MARK2: variants seen among roughly 807,000 people sequenced by gnomAD.
The protein encoded by MARK2 is serine/threonine-protein kinase MARK2.
MARK2 carries 16 observed loss-of-function variants against 89.8 expected under a neutral mutation model. The observed-to-expected ratio is 0.18, with a 90% confidence interval of 0.12 to 0.27. The LOEUF is 0.27. MARK2 is among the 10% of genes least tolerant of loss of function. MARK2 has a pLI of 1.00. For synonymous variants in MARK2, 382 were observed against 399.5 expected (o/e 0.96, Z 0.52); for missense variants, 621 against 1,049.9 (o/e 0.59, Z 5.65).
chr11:63,861,975 G>A (rs927480031), intron 1 of MARK2, among the ~76,000 whole-genome samples: 7 of 138,182 alleles, frequency 5.1e-5, no homozygotes, highest in African/African-American at 1.6e-4. Context: ...TCAGGCTAGA[G>A]TGCAGTGGCA....
chr11:63,846,363 A>AT (rs917051579), intron 1 of MARK2, among the ~76,000 whole-genome samples: 4 of 150,680 alleles, frequency 2.7e-5, no homozygotes, highest in African/African-American at 4.9e-5. Flanking sequence ...CAAAAAAAAA[A>AT]TTTTTTTTTT....
chr11:63,844,323 A>T (rs919058877), intron 1 of MARK2, among the ~76,000 whole-genome samples: 2 of 152,136 alleles, frequency 1.3e-5, no homozygotes, highest in Non-Finnish European at 2.9e-5. Context: ...CTACAAAAAA[A>T]TTTTTTTAAA....
chr11:63,875,930 G>A (rs1938725149), intron 1 of MARK2, among the ~76,000 whole-genome samples: 1 of 152,188 alleles, frequency 6.6e-6, no homozygotes, highest in Admixed American at 6.5e-5. Context: ...GCTTCAGTAA[G>A]CACTGTGTAT....
At chr11:63,906,670 T>C (rs1941362698) in intron 17 of MARK2, among the ~76,000 whole-genome samples, 1 of 152,054 alleles carries the variant, frequency 6.6e-6, no homozygotes, top group African/African-American at 2.4e-5. Context: ...CCCCGTGGCC[T>C]ATGGGATCGC....
chr11:63,839,642 C>A, intron 1 of MARK2, 82 bp downstream of exon 1: 1 of 885,002 alleles, frequency 1.1e-6, no homozygotes, highest in Non-Finnish European at 1.8e-6. Context: ...CTGCTCTCCT[C>A]GTGCCCCTGC....
rs201472167 is a variant in MARK2 at position 63,861,740 on chromosome 11, C to T, written c.54+22180C>T. Among the ~76,000 whole-genome samples, 65 of 127,064 alleles carry T rather than the reference C, an allele frequency of 5.1e-4. No homozygotes were observed. The East Asian group carries it at 0.013, about 25-fold the overall frequency. 83.4% of individuals were successfully genotyped at this position (127,064 alleles called of 152,430 possible). On this transcript the variant is annotated intron_variant, in intron 1 of 18. Coordinates refer to ENST00000402010, the MANE Select transcript of MARK2 (RefSeq NM_001039469.3). The stretch of plus-strand genomic sequence containing the variant: ...TTTTACATTCATTAACTCATTTACT[C>T]TTTTTTTTTTTTTTTTTTGAGACAG...
At position 63,903,445 on chromosome 11, in the gene MARK2, C is replaced by T. The variant is rs919168963; in HGVS notation, c.1514+287C>T. 3.9e-5 allele frequency: 18 copies of T among 456,582 alleles called. No homozygotes were observed. Among genetic ancestry groups the T allele is most frequent in the Non-Finnish European group, 6.5e-5 (16 of 246,630 alleles). The allele number at this position is 456,582 out of a possible 1,614,324, so 28.3% of individuals were successfully genotyped here. On this transcript the variant is annotated intron_variant, in intron 14 of 18. Coordinates refer to ENST00000402010, the MANE Select transcript of MARK2 (RefSeq NM_001039469.3). The surrounding 1 kb of genome is among the most constrained non-coding windows in gnomAD (Gnocchi z 5.1). ...ACGGCCAGGGCATGGCAGCTGCCCT[C>T]CTCTAGACATGAGCAGCTAAGGCCT...
At chr11:63,885,783 G>A (rs1002406213) in intron 1 of MARK2, among the ~76,000 whole-genome samples, 13 of 150,132 alleles carry the variant, frequency 8.7e-5, no homozygotes, top group African/African-American at 2.7e-4. Context: ...GCAGTGAGCC[G>A]AGATCGCACC....
At position 63,900,724 on chromosome 11, in the gene MARK2, G is replaced by C; in HGVS notation, c.888+46G>C. On this transcript the variant is annotated intron_variant, in intron 9 of 18. Coordinates refer to ENST00000402010, the MANE Select transcript of MARK2 (RefSeq NM_001039469.3). This position sits in a 1 kb window ranked among gnomAD's most constrained non-coding sequence, Gnocchi z 4.7. ...GGCGGAAGGGCCTGGGGTCCCCACA[G>C]AAACTTTCCAGCTGAGTTTCTTCCC... is the stretch of plus-strand genomic sequence containing the variant. The C allele has an allele frequency of 6.2e-7, 1 of 1,613,706 alleles. No individual in the cohort carries two copies.
At chr11:63,850,485 A>G (rs1012783902) in intron 1 of MARK2, among the ~76,000 whole-genome samples, 8 of 151,442 alleles carry the variant, frequency 5.3e-5, no homozygotes, top group Admixed American at 1.3e-4. Flanking sequence ...TTTTTTACCA[A>G]TCACCTATCT....
intron 1 of MARK2, among the ~76,000 whole-genome samples, chr11:63,844,106 T>C (rs1356934649): frequency 6.6e-6 from 1 of 152,190 alleles, no homozygotes; most frequent in Admixed American, 6.5e-5. Flanking sequence ...GAAGGAAGTG[T>C]TGTTAGAGCA....
intron 1 of MARK2, among the ~76,000 whole-genome samples, chr11:63,881,782 C>CA (rs1467553381): frequency 1.3e-5 from 2 of 151,548 alleles, no homozygotes; most frequent in Admixed American, 6.6e-5. Flanking sequence ...GCCATCTCTA[C>CA]AAAAAAAATG....
intron 17 of MARK2, among the ~76,000 whole-genome samples, chr11:63,907,849 T>G (rs1171265425): frequency 6.6e-6 from 1 of 152,210 alleles, no homozygotes; most frequent in African/African-American, 2.4e-5. Flanking sequence ...CCCTAGCGTG[T>G]GGCTCCAAAA....
At chr11:63,870,312 G>T (rs1170030138) in intron 1 of MARK2, among the ~76,000 whole-genome samples, 1 of 152,174 alleles carries the variant, frequency 6.6e-6, no homozygotes, top group African/African-American at 2.4e-5. Flanking sequence ...AGGCTCAAGT[G>T]ATCCTCCCAC....
intron 1 of MARK2, chr11:63,869,004 G>A (rs7949291): frequency 0.091 from 34,580 of 378,818 alleles, 2,443 homozygotes; most frequent in South Asian, 0.21. Flanking sequence ...CATGTTTTCC[G>A]AGGCCACTGT....
chr11:63,857,226 G>A (rs2016910591), intron 1 of MARK2, among the ~76,000 whole-genome samples: 2 of 152,152 alleles, frequency 1.3e-5, no homozygotes, highest in African/African-American at 4.8e-5. Flanking sequence ...GAGTGTGGTG[G>A]CACGATGTTG....
At position 63,903,511 on chromosome 11, in the gene MARK2, C is replaced by A; in HGVS notation, c.1514+353C>A. The A allele has an allele frequency of 2.8e-6, 1 of 353,536 alleles. No homozygotes were observed. The highest frequency in any genetic ancestry group is 5.3e-6 in the Non-Finnish European group (1 of 187,518). The allele number at this position is 353,536 out of a possible 1,614,324, so 21.9% of individuals were successfully genotyped here. A position where few individuals can be genotyped will look rare whatever the true frequency, so the allele number is the denominator to read the frequency against. On this transcript the variant is annotated intron_variant, in intron 14 of 18. Coordinates refer to ENST00000402010, the MANE Select transcript of MARK2 (RefSeq NM_001039469.3). This position sits in a 1 kb window ranked among gnomAD's most constrained non-coding sequence, Gnocchi z 5.1. The stretch of plus-strand genomic sequence containing the variant: ...AGCTCAGGGCAGAACCAAGAGATGC[C>A]CACCTTGAGGGGTGTACACATAGAG...
At chr11:63,896,012 A>G (rs890835858) in intron 3 of MARK2, among the ~76,000 whole-genome samples, 1 of 152,048 alleles carries the variant, frequency 6.6e-6, no homozygotes, top group Non-Finnish European at 1.5e-5. Context: ...TCAATGATCT[A>G]CTGACCCCAT....
chr11:63,880,237 A>G (rs1318786880), intron 1 of MARK2: 1 of 151,922 alleles, frequency 6.6e-6, no homozygotes, highest in Non-Finnish European at 1.5e-5. Flanking sequence ...GGGTGAGTCA[A>G]CTGAGCTCCC....
Sources: gnomAD v4.1 joint callset for allele counts (sites outside exome capture counted in the v4.1 genomes callset) on GRCh38, gnomAD v4.1.1 for gene constraint, Gnocchi (gnomAD v3.1) non-coding constraint, MANE v1.5 for transcripts, NCBI Gene and HGNC (gene_info 2026-07-23, HGNC 2026-07-21) for gene names.